Variants in MOBP observed in about 807,000 individuals in gnomAD.
MOBP encodes myelin associated oligodendrocyte basic protein.
A neutral mutation model predicts 15.0 loss-of-function variants in MOBP; 5 were observed. That is an observed-to-expected ratio of 0.33 (90% CI 0.17 to 0.70). The LOEUF (loss-of-function observed/expected upper bound fraction) is 0.70. Among genes scored for constraint, MOBP ranks in the 30% least tolerant of loss-of-function variants. MOBP has a pLI of 0.67. For synonymous variants in MOBP, 88 were observed against 99.0 expected (o/e 0.89, Z 0.66); for missense variants, 188 against 257.8 (o/e 0.73, Z 1.85).
At chr3:39,475,191 C>T (rs1388677908) in intron 1 of MOBP, among the ~76,000 whole-genome samples, 2 of 152,040 alleles carry the variant, frequency 1.3e-5, no homozygotes, top group African/African-American at 2.4e-5. Flanking sequence ...CTGAAGTCTT[C>T]TCATGATTAG....
Position 39,485,728 on chromosome 3 carries a change from C to T in MOBP, c.-5+5605C>T, listed in dbSNP as rs565739598. Among the ~76,000 whole-genome samples, 18 of 152,284 alleles carry T rather than the reference C, an allele frequency of 1.2e-4. No individual in the cohort carries two copies. In the South Asian group the frequency reaches 3.7e-3, roughly 32 times the overall value. On this transcript the variant is annotated intron_variant, in intron 2 of 3. Coordinates refer to ENST00000684792, the MANE Select transcript of MOBP (RefSeq NM_001393704.1). ...GTCCAGTCAATGGTGGTTGAATGGA[C>T]CCACCTCCCTCGCCAGTGCCTCTGA...
chr3:39,513,303 C>A, intron 4 of MOBP: 1 of 1,291,804 alleles, frequency 7.7e-7, no homozygotes, highest in Non-Finnish European at 1.1e-6. Context: ...CACAATTATA[C>A]TAACTGAACA....
intron 3 of MOBP, among the ~76,000 whole-genome samples, chr3:39,521,239 C>A (rs2043262271): frequency 6.6e-6 from 1 of 152,178 alleles, no homozygotes; most frequent in Admixed American, 6.5e-5. Flanking sequence ...GTGTGAGCCA[C>A]AATGCCTGGC....
At chr3:39,475,993 A>G (rs2042540570) in intron 1 of MOBP, among the ~76,000 whole-genome samples, 1 of 152,354 alleles carries the variant, frequency 6.6e-6, no homozygotes, top group African/African-American at 2.4e-5. Context: ...AGAAAAAAGA[A>G]GCTTAGTTGG....
chr3:39,517,590 A>G (rs904968581), downstream of MOBP: 2 of 152,200 alleles, frequency 1.3e-5, no homozygotes, highest in African/African-American at 4.8e-5. Context: ...GAATGCAACA[A>G]ATATTGATAG....
rs372208840 is a variant in MOBP, at chr3:39,469,206, ATG to A, written c.-89+1474_-89+1475del. ...TGTGTGTGTGTATATACATATATACATGTGTGTGTATATACATATATACATAT... is the reference window on the plus strand; with the variant it reads ...TGTGTGTGTGTATATACATATATACATGTGTGTATATACATATATACATAT... On this transcript the variant is annotated intron_variant, in intron 1 of 3. Coordinates refer to ENST00000684792, the MANE Select transcript of MOBP (RefSeq NM_001393704.1). 4.6e-4 allele frequency among the ~76,000 whole-genome samples: 30 copies of A among 64,882 alleles called. 6 individuals are homozygous for A. The highest frequency in any genetic ancestry group is 3.1e-3 in the South Asian group (7 of 2,274). 42.6% of individuals were successfully genotyped at this position (64,882 alleles called of 152,430 possible).
intron 2 of MOBP, among the ~76,000 whole-genome samples, chr3:39,488,798 T>C (rs1294124966): frequency 1.3e-5 from 2 of 152,224 alleles, no homozygotes; most frequent in East Asian, 3.8e-4. Flanking sequence ...CTATTAATTT[T>C]GCCTCTAAAA....
exon 5 of MOBP, chr3:39,515,269 A>G (rs757772729): frequency 6.6e-6 from 1 of 152,362 alleles, no homozygotes; most frequent in Non-Finnish European, 1.5e-5. Flanking sequence ...TGGTGGGAGA[A>G]GAGGGGTTGG....
At chr3:39,479,753 T>C (rs1443521033) in intron 1 of MOBP, among the ~76,000 whole-genome samples, 2 of 151,118 alleles carry the variant, frequency 1.3e-5, no homozygotes, top group Non-Finnish European at 2.9e-5. Context: ...CTGGGAGAAA[T>C]GAAAAAAAGA....
chr3:39,506,436 G>T (rs2043048738), downstream of MOBP, among the ~76,000 whole-genome samples: 1 of 152,088 alleles, frequency 6.6e-6, no homozygotes, highest in African/African-American at 2.4e-5. Flanking sequence ...CTGGAGGAAT[G>T]TGGGAAGCAA....
intron 1 of MOBP, among the ~76,000 whole-genome samples, chr3:39,470,915 T>A (rs1436029432): frequency 6.6e-6 from 1 of 152,096 alleles, no homozygotes; most frequent in Non-Finnish European, 1.5e-5. Context: ...CCAGAAGATA[T>A]AATCAACAAA....
intron 2 of MOBP, among the ~76,000 whole-genome samples, chr3:39,481,955 T>A (rs1405142681): frequency 6.6e-6 from 1 of 152,206 alleles, no homozygotes; most frequent in African/African-American, 2.4e-5. Context: ...AAGCAATCCC[T>A]TCCACTCTCA....
At chr3:39,501,996 A>T (rs1612165) in intron 2 of MOBP, 70 bp from the exon 3 acceptor site, 257,364 of 1,338,540 alleles carry the variant, frequency 0.19, 26,362 homozygotes, top group African/African-American at 0.36. Flanking sequence ...GGGGGCTTCC[A>T]GAGTAGAGGG....
Position 39,502,621 on chromosome 3 carries a change from G to A in MOBP, c.293G>A (p.Arg98Gln). The A allele has an allele frequency of 6.4e-7, 1 of 1,556,084 alleles. No individual in the cohort carries two copies. Among genetic ancestry groups the A allele is most frequent in the South Asian group, 1.2e-5 (1 of 85,330 alleles). The change falls in exon 4 of 4, where the codon CGG becomes CAG. Residue 98 changes from arginine (R) to glutamine (Q), a missense_variant. Arg to Gln is a conservative substitution (Grantham distance 43, BLOSUM62 1). Coordinates refer to ENST00000684792, the MANE Select transcript of MOBP (RefSeq NM_001393704.1). This position sits in a 1 kb window ranked among gnomAD's most constrained non-coding sequence, Gnocchi z 6.3. ...GTGGTCAGAGCGCCAGCCAAGCCAC[G>A]GTCCCCTCCGAGGTCTGAGCGTCAG... ...PAVVRAPAKPRSPPRSERQPR... is the reference protein window; with the variant it reads ...PAVVRAPAKPQSPPRSERQPR...
At chr3:39,470,859 C>T (rs943609961) in intron 1 of MOBP, among the ~76,000 whole-genome samples, 3 of 152,258 alleles carry the variant, frequency 2.0e-5, no homozygotes, top group African/African-American at 7.2e-5. Flanking sequence ...TTAAGTTATT[C>T]ACTAGTTCCT....
intron 1 of MOBP, among the ~76,000 whole-genome samples, chr3:39,469,564 T>A (rs1457070808): frequency 6.6e-6 from 1 of 152,072 alleles, no homozygotes; most frequent in African/African-American, 2.4e-5. Flanking sequence ...CCCCTCAGCC[T>A]CCTTTAGTCT....
chr3:39,468,679 A>C (rs971175136), intron 1 of MOBP, among the ~76,000 whole-genome samples: 4 of 138,594 alleles, frequency 2.9e-5, no homozygotes, highest in East Asian at 4.1e-4. Context: ...TATATATAAA[A>C]ATATGTGTGT....
chr3:39,473,732 A>G (rs7615732), intron 1 of MOBP, among the ~76,000 whole-genome samples: 41,590 of 152,096 alleles, frequency 0.27, 7,237 homozygotes, highest in African/African-American at 0.49. Flanking sequence ...AATGCCCCAG[A>G]TGCCAGAGCA....
chr3:39,518,206 G>C (rs2043225749), downstream of MOBP, among the ~76,000 whole-genome samples: 1 of 152,300 alleles, frequency 6.6e-6, no homozygotes. Flanking sequence ...AGGCTGGTGG[G>C]CTCCTCCCTA....
Sources: gnomAD v4.1 joint callset for allele counts (sites outside exome capture counted in the v4.1 genomes callset) on GRCh38, gnomAD v4.1.1 for gene constraint, Gnocchi (gnomAD v3.1) non-coding constraint, MANE v1.5 for transcripts, NCBI Gene and HGNC (gene_info 2026-07-23, HGNC 2026-07-21) for gene names.